ASAP1: variants seen among roughly 807,000 people sequenced by gnomAD.
The protein encoded by ASAP1 is arf-GAP with SH3 domain, ANK repeat and PH domain-containing protein 1.
A neutral mutation model predicts 145.2 loss-of-function variants in ASAP1; 43 were observed. That is an observed-to-expected ratio of 0.30 (90% CI 0.23 to 0.38). ASAP1 has a LOEUF of 0.38. ASAP1 is among the 10% of genes least tolerant of loss of function. The probability of loss-of-function intolerance (pLI) is 1.00; values close to 1 mark genes in which losing one functional copy is unlikely to be tolerated. For missense variants in ASAP1, 1,018 were observed against 1,355.3 expected (o/e 0.75, Z 3.91); for synonymous variants, 546 against 515.5 (o/e 1.06, Z -0.80).
chr8:130,146,123 G>C (rs1372994731), intron 13 of ASAP1, among the ~76,000 whole-genome samples: 1 of 151,486 alleles, frequency 6.6e-6, no homozygotes, highest in Non-Finnish European at 1.5e-5. Context: ...TTACAGGTGA[G>C]AGCCAATGCA....
chr8:130,411,524 C>T (rs1829263915), intron 1 of ASAP1, among the ~76,000 whole-genome samples: 1 of 152,198 alleles, frequency 6.6e-6, no homozygotes, highest in African/African-American at 2.4e-5. Flanking sequence ...ATTCCTCCAC[C>T]TGTGTTTCCT....
chr8:130,380,867 A>C (rs886082370), intron 2 of ASAP1, among the ~76,000 whole-genome samples: 1 of 151,970 alleles, frequency 6.6e-6, no homozygotes, highest in Non-Finnish European at 1.5e-5. Flanking sequence ...ACAGTTGCGC[A>C]CCACTACACC....
intron 24 of ASAP1, among the ~76,000 whole-genome samples, chr8:130,108,977 G>A (rs1268490957): frequency 6.6e-6 from 1 of 151,772 alleles, no homozygotes; most frequent in Non-Finnish European, 1.5e-5. Flanking sequence ...GTTTCTCCAT[G>A]TTGGTCAGGG....
At chr8:130,438,603 C>T (rs1329006519) in intron 1 of ASAP1, among the ~76,000 whole-genome samples, 1 of 152,146 alleles carries the variant, frequency 6.6e-6, no homozygotes, top group Non-Finnish European at 1.5e-5. Flanking sequence ...AGGCGGGGAG[C>T]TGGTAGAGGG....
intron 25 of ASAP1, among the ~76,000 whole-genome samples, chr8:130,089,766 C>T (rs970347724): frequency 6.6e-6 from 1 of 152,168 alleles, no homozygotes; most frequent in Non-Finnish European, 1.5e-5. Flanking sequence ...CCATTACTGA[C>T]CTGTGTCTGT....
At chr8:130,420,344 A>G (rs1829669655) in intron 1 of ASAP1, among the ~76,000 whole-genome samples, 1 of 152,042 alleles carries the variant, frequency 6.6e-6, no homozygotes, top group Non-Finnish European at 1.5e-5. Context: ...TGCTGGTGGG[A>G]GTGCAAAATG....
At chr8:130,238,017 A>T (rs990144307) in intron 3 of ASAP1, among the ~76,000 whole-genome samples, 4 of 152,158 alleles carry the variant, frequency 2.6e-5, no homozygotes, top group African/African-American at 9.7e-5. Flanking sequence ...TCTAAACCTC[A>T]GAACTTCAGA....
At chr8:130,280,412 G>C (rs1455021010) in intron 3 of ASAP1, among the ~76,000 whole-genome samples, 1 of 152,210 alleles carries the variant, frequency 6.6e-6, no homozygotes, top group Non-Finnish European at 1.5e-5. Context: ...AATGGTTATG[G>C]AATCTTTTGA....
chr8:130,424,017 A>G (rs1182077726), intron 1 of ASAP1, among the ~76,000 whole-genome samples: 2 of 152,258 alleles, frequency 1.3e-5, no homozygotes, highest in African/African-American at 4.8e-5. Context: ...AACTCTGAAT[A>G]TATTAAAAAC....
intron 2 of ASAP1, among the ~76,000 whole-genome samples, chr8:130,398,484 A>T (rs1828634183): frequency 6.6e-6 from 1 of 152,220 alleles, no homozygotes; most frequent in African/African-American, 2.4e-5. Context: ...CAGTAGAAGC[A>T]GTAGTGGTAA....
chr8:130,059,473 AT>A (rs2135038842), intron 28 of ASAP1, among the ~76,000 whole-genome samples: 2 of 151,404 alleles, frequency 1.3e-5, no homozygotes, highest in East Asian at 3.9e-4. Context: ...CCCCATTTTA[AT>A]TTTTTTGAGA....
chr8:130,077,270 T>C (rs1396939077), intron 26 of ASAP1, among the ~76,000 whole-genome samples: 1 of 152,242 alleles, frequency 6.6e-6, no homozygotes, highest in Non-Finnish European at 1.5e-5. Context: ...GTCCCTGGAA[T>C]ACAGGTCCAT....
At chr8:130,304,077 T>C (rs912606394) in intron 3 of ASAP1, among the ~76,000 whole-genome samples, 6 of 152,124 alleles carry the variant, frequency 3.9e-5, no homozygotes, top group Non-Finnish European at 5.9e-5. Flanking sequence ...ATAAGAACTC[T>C]GGACTTTTGG....
intron 25 of ASAP1, among the ~76,000 whole-genome samples, chr8:130,091,167 A>C (rs574248940): frequency 6.6e-6 from 1 of 152,198 alleles, no homozygotes; most frequent in East Asian, 1.9e-4. Flanking sequence ...CTGAATATTC[A>C]CTGTATGCCA....
intron 13 of ASAP1, among the ~76,000 whole-genome samples, chr8:130,144,590 T>C (rs1475271185): frequency 6.6e-6 from 1 of 152,246 alleles, no homozygotes; most frequent in Non-Finnish European, 1.5e-5. Flanking sequence ...TTCTGGTTCT[T>C]ACTGCCCTTA....
chr8:130,091,864 T>C, intron 25 of ASAP1, 109 bp downstream of exon 25: 1 of 1,184,400 alleles, frequency 8.4e-7, no homozygotes, highest in Non-Finnish European at 1.2e-6. Context: ...ACCCAGCATG[T>C]GTGTGCATTT....
intron 25 of ASAP1, among the ~76,000 whole-genome samples, chr8:130,080,943 A>G (rs1262608819): frequency 1.3e-5 from 2 of 152,196 alleles, no homozygotes; most frequent in African/African-American, 4.8e-5. Context: ...AAGTATTAAC[A>G]TTTATTAAGC....
intron 14 of ASAP1, among the ~76,000 whole-genome samples, chr8:130,136,220 A>G (rs1180815273): frequency 6.6e-6 from 1 of 152,158 alleles, no homozygotes; most frequent in Non-Finnish European, 1.5e-5. Context: ...AAGCACAGGT[A>G]GCCAGCCTAA....
intron 2 of ASAP1, among the ~76,000 whole-genome samples, chr8:130,395,791 C>T (rs1024216358): frequency 6.6e-6 from 1 of 151,470 alleles, no homozygotes; most frequent in African/African-American, 2.4e-5. Flanking sequence ...CTCAGCCTCC[C>T]GAGGGGCTGG....
Sources: gnomAD v4.1 joint callset for allele counts (sites outside exome capture counted in the v4.1 genomes callset) on GRCh38, gnomAD v4.1.1 for gene constraint, MANE v1.5 for transcripts, NCBI Gene and HGNC (gene_info 2026-07-23, HGNC 2026-07-21) for gene names.